Variants in SLC44A5 observed in about 807,000 individuals in gnomAD.
The protein encoded by SLC44A5 is solute carrier family 44 member 5.
Under a neutral mutation model 101.8 loss-of-function variants are expected in SLC44A5, and 57 were observed. That is an observed-to-expected ratio of 0.56 (90% CI 0.45 to 0.70). The LOEUF is 0.70. Among genes scored for constraint, SLC44A5 ranks in the 30% least tolerant of loss-of-function variants. SLC44A5 has a pLI of 0.00. For missense variants in SLC44A5, 737 were observed against 853.1 expected, an observed-to-expected ratio of 0.86 and a Z score of 1.70; for synonymous variants, 281 against 290.9, an observed-to-expected ratio of 0.97 and a Z score of 0.35.
chr1:75,621,608 C>T, the SLC44A5 span, among the ~76,000 whole-genome samples: 1 of 152,142 alleles, frequency 6.6e-6, no homozygotes, highest in East Asian at 1.9e-4. Flanking sequence ...AAATTAACTA[C>T]CGTAGTTTAG....
chr1:75,474,840 C>T (rs538266501), intron 2 of SLC44A5, among the ~76,000 whole-genome samples: 9 of 152,272 alleles, frequency 5.9e-5, no homozygotes, highest in Middle Eastern at 3.4e-3. Context: ...AATATAACTG[C>T]TCTTTTCATA....
intron 2 of SLC44A5, among the ~76,000 whole-genome samples, chr1:75,403,249 A>G (rs1662618380): frequency 6.6e-6 from 1 of 152,210 alleles, no homozygotes; most frequent in South Asian, 2.1e-4. Context: ...ACCTGGGAGA[A>G]GAGGCAGCTG....
chr1:75,639,038 G>C, the SLC44A5 span, among the ~76,000 whole-genome samples: 2 of 151,982 alleles, frequency 1.3e-5, no homozygotes, highest in Admixed American at 6.6e-5. Flanking sequence ...TGATTTCCAC[G>C]GGCTGAGGTG....
intron 2 of SLC44A5, among the ~76,000 whole-genome samples, chr1:75,481,343 G>T (rs1478434892): frequency 2.0e-5 from 3 of 152,120 alleles, no homozygotes; most frequent in East Asian, 1.9e-4. Context: ...CATAGGCATG[G>T]GCAAGGACTT....
chr1:75,589,165 A>C (rs1442562452), intron 1 of SLC44A5, among the ~76,000 whole-genome samples: 1 of 151,908 alleles, frequency 6.6e-6, no homozygotes, highest in East Asian at 1.9e-4. Context: ...TCTGCCACCT[A>C]ATCTGCCATG....
intron 5 of SLC44A5, among the ~76,000 whole-genome samples, chr1:75,280,679 G>T (rs1450061464): frequency 6.6e-6 from 1 of 150,696 alleles, no homozygotes; most frequent in Non-Finnish European, 1.5e-5. Flanking sequence ...GATCATGAGG[G>T]TGGTTCTACC....
intron 2 of SLC44A5, among the ~76,000 whole-genome samples, chr1:75,419,351 T>C (rs569296621): frequency 4.7e-5 from 7 of 149,126 alleles, no homozygotes; most frequent in Non-Finnish European, 1.0e-4. Context: ...GAAAGTAAAA[T>C]CTTAAAAGTA....
intron 1 of SLC44A5, among the ~76,000 whole-genome samples, chr1:75,573,679 T>C (rs1163165980): frequency 6.6e-6 from 1 of 152,002 alleles, no homozygotes; most frequent in Non-Finnish European, 1.5e-5. Context: ...CCATATAAGC[T>C]CTATTGCCAC....
chr1:75,570,128 G>T (rs1314663223), intron 1 of SLC44A5, among the ~76,000 whole-genome samples: 2 of 152,208 alleles, frequency 1.3e-5, no homozygotes, highest in Non-Finnish European at 2.9e-5. Context: ...CCACCAGACT[G>T]CTCATGGACA....
intron 12 of SLC44A5, among the ~76,000 whole-genome samples, chr1:75,232,820 A>C (rs966923722): frequency 6.6e-6 from 1 of 152,172 alleles, no homozygotes; most frequent in Non-Finnish European, 1.5e-5. Flanking sequence ...ACAAACTTCC[A>C]AAGTTACCCA....
rs1298199219 is a variant in SLC44A5, at chr1:75,213,808, T to C, written c.1874-15A>G. 4.4e-6 allele frequency: 7 copies of C among 1,592,226 alleles called. No homozygotes were observed. The highest frequency in any genetic ancestry group is 6.0e-6 in the Non-Finnish European group (7 of 1,160,592). ...GGCCAGAACACCTACATTGAAAAGG[T>C]AGAACATGTATATTATACTTTTGCA... On this transcript the variant is annotated splice_polypyrimidine_tract_variant and intron_variant, in intron 21 of 23. Transcript: ENST00000370859.
chr1:75,374,371 A>G (rs1347251049), intron 3 of SLC44A5, among the ~76,000 whole-genome samples: 2 of 152,186 alleles, frequency 1.3e-5, no homozygotes, highest in Non-Finnish European at 2.9e-5. Flanking sequence ...GAGGACCAGT[A>G]GGTCTCCAGG....
rs192720811 is a variant in SLC44A5 at position 75,573,047 on chromosome 1, C to T, written c.-69-31531G>A. Among the ~76,000 whole-genome samples, 691 of 141,888 alleles carry T rather than the reference C, an allele frequency of 4.9e-3. 9 individuals carry two copies. The highest frequency in any genetic ancestry group is 0.017 in the African/African-American group (641 of 37,172). The allele number at this position is 141,888 out of a possible 152,430, so 93.1% of individuals were successfully genotyped here. Reference sequence around the variant, plus strand: ...CTGAGGCAGGGGAATTGCTTAAACCCGGGAGGCGGAGGTTGCAGTGAGCTT... The same window carrying T: ...CTGAGGCAGGGGAATTGCTTAAACCTGGGAGGCGGAGGTTGCAGTGAGCTT... On this transcript the variant is annotated intron_variant, in intron 1 of 23. Transcript: ENST00000370859.
At chr1:75,552,240 C>G (rs912255802) in intron 1 of SLC44A5, among the ~76,000 whole-genome samples, 2 of 152,094 alleles carry the variant, frequency 1.3e-5, no homozygotes, top group Admixed American at 6.6e-5. Context: ...TCTTAGTGTC[C>G]TTTCCATCCC....
intron 2 of SLC44A5, among the ~76,000 whole-genome samples, chr1:75,538,908 A>C (rs1671199347): frequency 6.6e-6 from 1 of 152,100 alleles, no homozygotes; most frequent in South Asian, 2.1e-4. Context: ...TTCCCCCTCC[A>C]TGCCCCAGTC....
the SLC44A5 span, chr1:75,677,948 G>C: frequency 1.4e-5 from 3 of 215,012 alleles, no homozygotes; most frequent in Admixed American, 1.7e-4. Flanking sequence ...TGCCTCACTT[G>C]GGAAGTGCAA....
chr1:75,289,108 T>C (rs1011090524), intron 5 of SLC44A5, among the ~76,000 whole-genome samples: 1 of 152,232 alleles, frequency 6.6e-6, no homozygotes, highest in Admixed American at 6.5e-5. Flanking sequence ...ATCTTCTCCA[T>C]AATTAAAGAT....
intron 3 of SLC44A5, among the ~76,000 whole-genome samples, chr1:75,373,774 C>T (rs1570029673): frequency 6.6e-6 from 1 of 152,124 alleles, no homozygotes; most frequent in Admixed American, 6.5e-5. Flanking sequence ...GTTTTGCCAG[C>T]TGTCTGGGAG....
intron 4 of SLC44A5, among the ~76,000 whole-genome samples, chr1:75,322,413 C>T (rs1656234125): frequency 6.6e-6 from 1 of 151,992 alleles, no homozygotes; most frequent in Non-Finnish European, 1.5e-5. Context: ...AAAAAAATCT[C>T]ATTTCATCTG....
Sources: allele counts gnomAD v4.1 joint callset (sites outside exome capture counted in the v4.1 genomes callset), GRCh38; gene constraint gnomAD v4.1.1; transcripts MANE v1.5; gene names NCBI Gene and HGNC (gene_info 2026-07-23, HGNC 2026-07-21).